Variants in XKR6 observed in about 807,000 individuals in gnomAD.
The protein encoded by XKR6 is XK-related protein 6.
In XKR6, 22 loss-of-function variants were observed where a neutral mutation model predicts 56.7. That is an observed-to-expected ratio of 0.39 (90% CI 0.28 to 0.55). XKR6 has a LOEUF of 0.55. Ranked by LOEUF, XKR6 falls within the 20% of genes least tolerant of loss-of-function variation. The probability of loss-of-function intolerance (pLI) is 0.66; values close to 1 mark genes in which losing one functional copy is unlikely to be tolerated. For missense variants in XKR6, 852 were observed against 889.0 expected (o/e 0.96, Z 0.53); for synonymous variants, 524 against 387.8 (o/e 1.35, Z -4.13).
chr8:11,041,182 T>A (rs1014088896), intron 1 of XKR6, among the ~76,000 whole-genome samples: 1 of 152,072 alleles, frequency 6.6e-6, no homozygotes, highest in African/African-American at 2.4e-5. Context: ...GAAATGTTAT[T>A]CATGAGGAGT....
intron 2 of XKR6, among the ~76,000 whole-genome samples, chr8:10,903,403 C>T (rs1306163619): frequency 6.6e-6 from 1 of 152,162 alleles, no homozygotes; most frequent in Non-Finnish European, 1.5e-5. Flanking sequence ...GAACCCTCCC[C>T]AACTGTGCAC....
intron 1 of XKR6, among the ~76,000 whole-genome samples, chr8:11,049,495 G>T (rs1006576298): frequency 1.1e-4 from 16 of 152,186 alleles, no homozygotes; most frequent in African/African-American, 3.6e-4. Context: ...AGGGGTGGCT[G>T]TACGTGAAGA....
intron 1 of XKR6, among the ~76,000 whole-genome samples, chr8:10,942,053 T>C (rs1801399992): frequency 6.6e-6 from 1 of 152,122 alleles, no homozygotes; most frequent in African/African-American, 2.4e-5. Context: ...CTCTGAGGGA[T>C]TTTTACTCAA....
At chr8:10,994,667 A>G (rs1798069414) in intron 1 of XKR6, among the ~76,000 whole-genome samples, 1 of 152,164 alleles carries the variant, frequency 6.6e-6, no homozygotes, top group South Asian at 2.1e-4. Flanking sequence ...TGTACTCTCC[A>G]CTTATCTGCT....
chr8:11,118,377 G>A, intron 1 of XKR6, among the ~76,000 whole-genome samples: 1 of 152,184 alleles, frequency 6.6e-6, no homozygotes, highest in Non-Finnish European at 1.5e-5. Flanking sequence ...AGTTTCAGAA[G>A]GAATGGTACC....
At chr8:10,965,145 T>A (rs1371087174) in intron 1 of XKR6, among the ~76,000 whole-genome samples, 1 of 152,242 alleles carries the variant, frequency 6.6e-6, no homozygotes, top group Admixed American at 6.5e-5. Context: ...TCTGGCCTCA[T>A]GGATGGCGGG....
In XKR6 at chr8:10,941,652, G is replaced by A. The variant is rs1038405037; in HGVS notation, c.765-16822C>T. On this transcript the variant is annotated intron_variant, in intron 1 of 2. Coordinates refer to ENST00000416569, the MANE Select transcript of XKR6 (RefSeq NM_173683.4). ...GCTGAGGGACTGTGTGGTAGGGCTG[G>A]GCTTCAGCCCCAGCCTCCTGACCTC... is the stretch of plus-strand genomic sequence containing the variant. 3.3e-5 allele frequency among the ~76,000 whole-genome samples: 5 copies of A among 152,322 alleles called. No homozygotes were observed. The East Asian group carries it at 7.7e-4, about 24-fold the overall frequency.
At chr8:11,045,118 G>A (rs28439738) in intron 1 of XKR6, among the ~76,000 whole-genome samples, 5 of 111,672 alleles carry the variant, frequency 4.5e-5, no homozygotes, top group East Asian at 5.8e-4. Flanking sequence ...AGGAAGTGTC[G>A]CTCTGTCGCC....
At chr8:10,910,036 C>A (rs1204143862) in intron 2 of XKR6, among the ~76,000 whole-genome samples, 1 of 152,010 alleles carries the variant, frequency 6.6e-6, no homozygotes, top group African/African-American at 2.4e-5. Flanking sequence ...ATTTAACTAA[C>A]AGCAATGCAA....
At chr8:10,976,415 A>G (rs1218939456) in intron 1 of XKR6, among the ~76,000 whole-genome samples, 3 of 152,120 alleles carry the variant, frequency 2.0e-5, no homozygotes, top group African/African-American at 7.2e-5. Context: ...ACCCGGAGGC[A>G]TGCAGACAGC....
intron 1 of XKR6, among the ~76,000 whole-genome samples, chr8:11,028,272 C>T (rs1356632029): frequency 1.3e-5 from 2 of 152,148 alleles, no homozygotes; most frequent in Non-Finnish European, 2.9e-5. Context: ...CATGTTTTTT[C>T]ATAGCTTGGT....
intron 1 of XKR6, among the ~76,000 whole-genome samples, chr8:11,161,388 C>T (rs1414979723): frequency 5.3e-5 from 8 of 152,208 alleles, no homozygotes; most frequent in Non-Finnish European, 1.2e-4. Flanking sequence ...TCACCTGAAC[C>T]AGCCTAATTC....
intron 1 of XKR6, among the ~76,000 whole-genome samples, chr8:10,988,225 C>T (rs1443384912): frequency 2.0e-5 from 3 of 152,106 alleles, no homozygotes; most frequent in Non-Finnish European, 4.4e-5. Context: ...AGAATGTAAG[C>T]TCCATGGGGG....
chr8:10,915,236 C>A (rs1164747991), intron 2 of XKR6, among the ~76,000 whole-genome samples: 3 of 152,278 alleles, frequency 2.0e-5, no homozygotes, highest in African/African-American at 7.2e-5. Flanking sequence ...CTGTCCCCAG[C>A]TCCTGGAACC....
chr8:11,033,773 C>T (rs1799066233), intron 1 of XKR6, among the ~76,000 whole-genome samples: 1 of 152,130 alleles, frequency 6.6e-6, no homozygotes, highest in Non-Finnish European at 1.5e-5. Context: ...TATGCAGATA[C>T]CCAGGTCCAC....
At chr8:11,100,306 C>T (rs530428141) in intron 1 of XKR6, among the ~76,000 whole-genome samples, 1 of 152,282 alleles carries the variant, frequency 6.6e-6, no homozygotes, top group Admixed American at 6.5e-5. Context: ...CTACCCACTT[C>T]GACCTCCCAA....
At chr8:10,986,551 A>C (rs149265505) in intron 1 of XKR6, among the ~76,000 whole-genome samples, 397 of 152,314 alleles carry the variant, frequency 2.6e-3, no homozygotes, top group Non-Finnish European at 4.9e-3. Flanking sequence ...TGTGATCAGC[A>C]ATAGTAGATT....
chr8:11,134,703 C>A (rs986596166), intron 1 of XKR6, among the ~76,000 whole-genome samples: 2 of 152,062 alleles, frequency 1.3e-5, no homozygotes, highest in Non-Finnish European at 2.9e-5. Flanking sequence ...CACACGCACA[C>A]ACACACACAC....
intron 1 of XKR6, among the ~76,000 whole-genome samples, chr8:11,169,423 T>C (rs907060364): frequency 2.6e-5 from 4 of 151,970 alleles, no homozygotes; most frequent in African/African-American, 9.7e-5. Context: ...ATGTAGTAAA[T>C]ATCTACAGGA....
Sources: allele counts gnomAD v4.1 joint callset (sites outside exome capture counted in the v4.1 genomes callset), GRCh38; gene constraint gnomAD v4.1.1; transcripts MANE v1.5; gene names NCBI Gene and HGNC (gene_info 2026-07-23, HGNC 2026-07-21).